The following KCNAB1 variants were observed in gnomAD, a reference collection of about 807,000 sequenced individuals.
KCNAB1 encodes the protein potassium voltage-gated channel subfamily A regulatory beta subunit 1.
Under a neutral mutation model 64.6 loss-of-function variants are expected in KCNAB1, and 35 were observed. The ratio of observed to expected loss-of-function variants is 0.54; its 90% CI spans 0.41 to 0.72. The LOEUF (loss-of-function observed/expected upper bound fraction) is 0.72, where lower values mean the gene tolerates loss of function less well. Ranked by LOEUF, KCNAB1 falls within the 30% of genes least tolerant of loss-of-function variation. The pLI is 0.00. For missense variants in KCNAB1, 401 were observed against 512.9 expected (o/e 0.78, Z 2.11); for synonymous variants, 177 against 183.8 (o/e 0.96, Z 0.30).
intron 1 of KCNAB1, among the ~76,000 whole-genome samples, chr3:156,170,235 T>C (rs1366336148): frequency 6.6e-6 from 1 of 152,044 alleles, no homozygotes; most frequent in African/African-American, 2.4e-5. Context: ...TTTTTTTTTT[T>C]TTCCTAAGTG....
chr3:156,198,913 A>ATTTTTTTT lies in KCNAB1; in HGVS notation c.275+78050_275+78057dup, dbSNP rs71138701. On this transcript the variant is annotated intron_variant, in intron 1 of 13. Coordinates refer to ENST00000490337, the MANE Select transcript of KCNAB1 (RefSeq NM_172160.3). ...TATTGTCATTGGTCTTTATATTTTG[A>ATTTTTTTT]TTTTTTTTTTTTTTTTTTTTTTTTT... Among the ~76,000 whole-genome samples, 63 of 21,290 alleles carry ATTTTTTTT rather than the reference A, an allele frequency of 3.0e-3. 2 individuals are homozygous for ATTTTTTTT. Among genetic ancestry groups the ATTTTTTTT allele is most frequent in the Non-Finnish European group, 4.5e-3 (50 of 11,084 alleles). 14.0% of individuals were successfully genotyped at this position (21,290 alleles called of 152,430 possible). A position where few individuals can be genotyped will look rare whatever the true frequency, so the allele number is the denominator to read the frequency against.
chr3:156,403,419 A>G (rs1056779832), intron 1 of KCNAB1, among the ~76,000 whole-genome samples: 7 of 152,232 alleles, frequency 4.6e-5, no homozygotes, highest in African/African-American at 9.6e-5. Context: ...AGTTTTAACC[A>G]TAGTGGGCAG....
intron 11 of KCNAB1, among the ~76,000 whole-genome samples, chr3:156,518,461 G>GAAAGA (rs144279774): frequency 0.25 from 37,487 of 149,766 alleles, 4,784 homozygotes; most frequent in Middle Eastern, 0.28. Context: ...AAGAGAAAGA[G>GAAAGA]AAAGAAAAGA....
chr3:156,284,878 G>A (rs1007355052), intron 1 of KCNAB1, among the ~76,000 whole-genome samples: 19 of 152,184 alleles, frequency 1.2e-4, no homozygotes, highest in Non-Finnish European at 2.5e-4. Context: ...GCACTCCCTA[G>A]TGAGATGAAC....
intron 1 of KCNAB1, among the ~76,000 whole-genome samples, chr3:156,263,347 T>G (rs1718531355): frequency 6.6e-6 from 1 of 152,042 alleles, no homozygotes; most frequent in Non-Finnish European, 1.5e-5. Flanking sequence ...GTTCAAAATA[T>G]TTTTAAATTT....
chr3:156,500,562 A>G (rs1298036508), intron 8 of KCNAB1, among the ~76,000 whole-genome samples: 6 of 152,212 alleles, frequency 3.9e-5, no homozygotes, highest in Non-Finnish European at 2.9e-5. Context: ...TTATCTTTAG[A>G]CATTTTTATA....
intron 1 of KCNAB1, among the ~76,000 whole-genome samples, chr3:156,212,360 A>G (rs1204558824): frequency 6.6e-6 from 1 of 152,210 alleles, no homozygotes; most frequent in Non-Finnish European, 1.5e-5. Flanking sequence ...TTCAGATACT[A>G]TGAAAGATGA....
chr3:156,303,747 C>T (rs896406998), intron 1 of KCNAB1, among the ~76,000 whole-genome samples: 2 of 152,178 alleles, frequency 1.3e-5, no homozygotes, highest in Non-Finnish European at 2.9e-5. Flanking sequence ...TCTAGTACTA[C>T]ACTGAGGATA....
At chr3:156,138,586 A>G (rs1469217088) in intron 1 of KCNAB1, among the ~76,000 whole-genome samples, 2 of 152,246 alleles carry the variant, frequency 1.3e-5, no homozygotes, top group Admixed American at 6.5e-5. Flanking sequence ...CAAGAATAAC[A>G]TAAATCTCAC....
At chr3:156,339,106 G>C (rs1052665109) in intron 1 of KCNAB1, among the ~76,000 whole-genome samples, 1 of 152,052 alleles carries the variant, frequency 6.6e-6, no homozygotes, top group African/African-American at 2.4e-5. Context: ...CAGGGGTCGG[G>C]GTATGAATGA....
At chr3:156,470,208 A>C (rs986656530) in intron 7 of KCNAB1, among the ~76,000 whole-genome samples, 2 of 152,256 alleles carry the variant, frequency 1.3e-5, no homozygotes, top group Non-Finnish European at 2.9e-5. Flanking sequence ...TAGATTCACA[A>C]GGAAGAGGAA....
At chr3:156,145,486 AC>A (rs1368062911) in intron 1 of KCNAB1, among the ~76,000 whole-genome samples, 3 of 152,126 alleles carry the variant, frequency 2.0e-5, no homozygotes, top group Admixed American at 1.3e-4. Flanking sequence ...TTAGCTTTAG[AC>A]CTTGATTTCT....
chr3:156,458,965 C>G (rs994966949), intron 4 of KCNAB1, among the ~76,000 whole-genome samples: 2 of 152,210 alleles, frequency 1.3e-5, no homozygotes, highest in African/African-American at 4.8e-5. Flanking sequence ...TGCTCCACAG[C>G]TAACCCGCAT....
chr3:156,273,615 A>G (rs1244542450), intron 1 of KCNAB1: 1 of 456,528 alleles, frequency 2.2e-6, no homozygotes, highest in Admixed American at 2.3e-5. Context: ...GGCATCGGCA[A>G]TTCACCGCTG....
At chr3:156,348,233 G>A (rs1724616120) in intron 1 of KCNAB1, among the ~76,000 whole-genome samples, 2 of 152,196 alleles carry the variant, frequency 1.3e-5, no homozygotes, top group African/African-American at 4.8e-5. Context: ...ATAGTAAAGA[G>A]TGAGTGGAAG....
chr3:156,482,543 G>A (rs529325949), intron 8 of KCNAB1, among the ~76,000 whole-genome samples: 31 of 152,080 alleles, frequency 2.0e-4, no homozygotes, highest in Admixed American at 2.0e-3. Flanking sequence ...AGGAGGAAAT[G>A]GTGGGCAGTG....
intron 2 of KCNAB1, among the ~76,000 whole-genome samples, chr3:156,439,127 G>A (rs931126448): frequency 5.9e-5 from 9 of 151,692 alleles, no homozygotes; most frequent in East Asian, 3.9e-4. Flanking sequence ...CAGATTGGTC[G>A]TGGGTTTTAA....
At chr3:156,193,165 T>A (rs939985758) in intron 1 of KCNAB1, among the ~76,000 whole-genome samples, 14 of 152,124 alleles carry the variant, frequency 9.2e-5, no homozygotes, top group African/African-American at 3.4e-4. Flanking sequence ...TATAACTCTA[T>A]TTTGTTATTT....
intron 1 of KCNAB1, among the ~76,000 whole-genome samples, chr3:156,414,854 A>G (rs1714937506): frequency 6.6e-6 from 1 of 152,164 alleles, no homozygotes; most frequent in Non-Finnish European, 1.5e-5. Context: ...CCTCCACAGA[A>G]CACTCAAGTT....
Sources: gnomAD v4.1 joint callset for allele counts (sites outside exome capture counted in the v4.1 genomes callset) on GRCh38, gnomAD v4.1.1 for gene constraint, MANE v1.5 for transcripts, NCBI Gene and HGNC (gene_info 2026-07-23, HGNC 2026-07-21) for gene names.